Variants in CACNA2D3 observed in about 807,000 individuals in gnomAD.
The protein encoded by CACNA2D3 is calcium voltage-gated channel auxiliary subunit alpha2delta 3.
CACNA2D3 carries 60 observed loss-of-function variants against 160.6 expected under a neutral mutation model. That is an observed-to-expected ratio of 0.37 (90% confidence interval 0.30 to 0.46). The LOEUF (loss-of-function observed/expected upper bound fraction) is 0.46, where lower values mean the gene tolerates loss of function less well. Among genes scored for constraint, CACNA2D3 ranks in the 20% least tolerant of loss-of-function variants. The pLI, the probability that CACNA2D3 is intolerant of heterozygous loss-of-function variation, is 1.00. For synonymous variants in CACNA2D3, 558 were observed against 492.9 expected, an observed-to-expected ratio of 1.13 and a Z score of -1.75; for missense variants, 1,205 against 1,365.0, an observed-to-expected ratio of 0.88 and a Z score of 1.85.
intron 10 of CACNA2D3, chr3:54,639,312 GC>G (rs1314622817): frequency 6.6e-6 from 1 of 152,054 alleles, no homozygotes; most frequent in Admixed American, 6.5e-5. Flanking sequence ...AGCGGGACTT[GC>G]CGCTAAGGGT....
At position 54,606,279 on chromosome 3, in the gene CACNA2D3, A is replaced by G. The variant is rs533677735; in HGVS notation, c.964-21508A>G. On this transcript the variant is annotated intron_variant, in intron 9 of 37. Coordinates refer to ENST00000474759, the MANE Select transcript of CACNA2D3 (RefSeq NM_018398.3). ...GGTTGAAGGAGTTATTTTCAGTACT[A>G]TAAGAAGGTTGGAATAGTCGATAGA... Among the ~76,000 whole-genome samples the G allele has an allele frequency of 2.2e-4, 33 of 152,166 alleles. 1 individual carries two copies. The South Asian group carries it at 6.8e-3, about 32-fold the overall frequency.
rs116006352 is a variant in CACNA2D3 at position 54,840,311 on chromosome 3, C to A, written c.1551+1663C>A. 6.7e-3 allele frequency among the ~76,000 whole-genome samples: 1,016 copies of A among 151,720 alleles called. 8 individuals carry two copies. Among genetic ancestry groups the A allele is most frequent in the Non-Finnish European group, 0.01 (702 of 67,956 alleles). ...TATCTCGCTTACTAAGTAAACATTA[C>A]GGTCACCCCCATTTTATAGTTAAAG... is the stretch of plus-strand genomic sequence containing the variant. On this transcript the variant is annotated intron_variant, in intron 16 of 37. Coordinates refer to ENST00000474759, the MANE Select transcript of CACNA2D3 (RefSeq NM_018398.3).
chr3:54,303,351 A>G (rs936781004), intron 2 of CACNA2D3, among the ~76,000 whole-genome samples: 2 of 152,214 alleles, frequency 1.3e-5, no homozygotes, highest in African/African-American at 4.8e-5. Context: ...GTTGAAAGCG[A>G]AAATTTTCTT....
intron 2 of CACNA2D3, among the ~76,000 whole-genome samples, chr3:54,204,796 GAAAAAAAAA>G (rs57129457): frequency 5.4e-5 from 4 of 74,058 alleles, no homozygotes; most frequent in Admixed American, 1.8e-4. Context: ...ATGCTGTCTT[GAAAAAAAAA>G]AAAAAAAAAA....
chr3:54,545,701 T>G (rs1702050423), intron 5 of CACNA2D3, among the ~76,000 whole-genome samples: 1 of 152,196 alleles, frequency 6.6e-6, no homozygotes, highest in Non-Finnish European at 1.5e-5. Context: ...CCTGACCAAT[T>G]TAAATCCCTT....
chr3:54,345,739 G>T (rs1698444983), intron 3 of CACNA2D3, among the ~76,000 whole-genome samples: 1 of 152,068 alleles, frequency 6.6e-6, no homozygotes, highest in African/African-American at 2.4e-5. Context: ...TAAGCCTAAC[G>T]TCATCTCCAC....
chr3:54,195,129 C>T (rs1421569044), intron 2 of CACNA2D3, among the ~76,000 whole-genome samples: 2 of 152,178 alleles, frequency 1.3e-5, no homozygotes, highest in Non-Finnish European at 2.9e-5. Context: ...CTAATATGCA[C>T]ATTCCAGAGT....
chr3:54,323,368 C>T (rs1434100989), intron 3 of CACNA2D3, among the ~76,000 whole-genome samples: 3 of 152,122 alleles, frequency 2.0e-5, no homozygotes, highest in African/African-American at 7.2e-5. Flanking sequence ...CTGGAATGCA[C>T]CACTGTGAGA....
At chr3:54,286,306 A>G (rs1471591437) in intron 2 of CACNA2D3, among the ~76,000 whole-genome samples, 1 of 152,258 alleles carries the variant, frequency 6.6e-6, no homozygotes, top group Non-Finnish European at 1.5e-5. Context: ...AGCGGATGCG[A>G]TCAACTGGAA....
chr3:55,061,084 T>C (rs1386887414), intron 35 of CACNA2D3, among the ~76,000 whole-genome samples: 3 of 152,252 alleles, frequency 2.0e-5, no homozygotes, highest in Admixed American at 2.0e-4. Flanking sequence ...TACTGATGCA[T>C]TCTGTCTACA....
Position 54,334,759 on chromosome 3 carries a change from A to G in CACNA2D3, c.321+14201A>G, listed in dbSNP as rs147476311. ...GCAAACATGGGTCTGGCATGAGCCC[A>G]TGGGTTACATGGCGAACACTTTGTA... On this transcript the variant is annotated intron_variant, in intron 3 of 37. Transcript: ENST00000474759. Among the ~76,000 whole-genome samples, 296 of 152,356 alleles carry G rather than the reference A, an allele frequency of 1.9e-3. 1 individual carries two copies. Among genetic ancestry groups the G allele is most frequent in the African/African-American group, 6.9e-3 (285 of 41,590 alleles).
intron 35 of CACNA2D3, among the ~76,000 whole-genome samples, chr3:55,058,446 CGGT>C (rs1704419882): frequency 6.6e-6 from 1 of 151,828 alleles, no homozygotes; most frequent in African/African-American, 2.4e-5. Flanking sequence ...CAAGGATATA[CGGT>C]AAAAATGAGT....
chr3:54,884,238 A>G (rs1699874493), intron 21 of CACNA2D3, among the ~76,000 whole-genome samples: 1 of 152,236 alleles, frequency 6.6e-6, no homozygotes. Context: ...GCTATGCAGT[A>G]TTACTTGTAT....
chr3:54,882,002 G>A (rs1198498971), intron 21 of CACNA2D3, among the ~76,000 whole-genome samples: 1 of 152,194 alleles, frequency 6.6e-6, no homozygotes, highest in Non-Finnish European at 1.5e-5. Flanking sequence ...GCAGAAAGGA[G>A]AGTAGAGAGG....
chr3:54,690,958 T>G (rs1700559668), intron 11 of CACNA2D3, among the ~76,000 whole-genome samples: 1 of 152,184 alleles, frequency 6.6e-6, no homozygotes, highest in Non-Finnish European at 1.5e-5. Flanking sequence ...TCTATTATTC[T>G]ATTTTATGGT....
chr3:54,474,143 C>T (rs1234807494), intron 4 of CACNA2D3, among the ~76,000 whole-genome samples: 1 of 152,150 alleles, frequency 6.6e-6, no homozygotes, highest in Non-Finnish European at 1.5e-5. Flanking sequence ...GACTTGGAAC[C>T]AACCCAAATG....
intron 9 of CACNA2D3, among the ~76,000 whole-genome samples, chr3:54,618,728 T>C (rs1361662900): frequency 1.3e-5 from 2 of 152,126 alleles, no homozygotes; most frequent in Non-Finnish European, 2.9e-5. Flanking sequence ...TCCTGGGCCA[T>C]AGCTTTGCAT....
chr3:55,005,275 CA>C (rs952633559), intron 32 of CACNA2D3, among the ~76,000 whole-genome samples: 2 of 150,440 alleles, frequency 1.3e-5, no homozygotes, highest in Non-Finnish European at 3.0e-5. Context: ...GCCTGCCTCT[CA>C]AAAAAATTAA....
intron 11 of CACNA2D3, among the ~76,000 whole-genome samples, chr3:54,700,559 G>C (rs1038628917): frequency 1.3e-5 from 2 of 152,176 alleles, no homozygotes; most frequent in African/African-American, 4.8e-5. Context: ...TGTTTCTCCA[G>C]AGGATGTTTC....
Sources: gnomAD v4.1 joint callset for allele counts (sites outside exome capture counted in the v4.1 genomes callset) on GRCh38, gnomAD v4.1.1 for gene constraint, MANE v1.5 for transcripts, NCBI Gene and HGNC (gene_info 2026-07-23, HGNC 2026-07-21) for gene names.